Variants in CPEB3 observed in about 807,000 individuals in gnomAD.
The protein encoded by CPEB3 is cytoplasmic polyadenylation element binding protein 3.
A neutral mutation model predicts 67.2 loss-of-function variants in CPEB3; 20 were observed. The observed-to-expected ratio is 0.30, with a 90% confidence interval of 0.21 to 0.43. The LOEUF (loss-of-function observed/expected upper bound fraction) is 0.43, where lower values mean the gene tolerates loss of function less well. Among genes scored for constraint, CPEB3 ranks in the 20% least tolerant of loss-of-function variants. The pLI is 1.00. For synonymous variants in CPEB3, 376 were observed against 393.1 expected (o/e 0.96, Z 0.51); for missense variants, 746 against 968.6 (o/e 0.77, Z 3.05).
chr10:92,246,405 C>T (rs1340616675), intron 1 of CPEB3, among the ~76,000 whole-genome samples: 2 of 151,754 alleles, frequency 1.3e-5, no homozygotes, highest in African/African-American at 2.4e-5. Context: ...GTCCTTATAG[C>T]TTTAAGAAAT....
chr10:92,073,038 CTTTTTTTTTTTTT>C (rs546510647), intron 9 of CPEB3, among the ~76,000 whole-genome samples: 1 of 61,264 alleles, frequency 1.6e-5, no homozygotes, highest in African/African-American at 7.3e-5. Context: ...GAATCTCTGT[CTTTTTTTTTTTTT>C]TTTTTTTTTT....
intron 9 of CPEB3, among the ~76,000 whole-genome samples, chr10:92,079,402 G>A (rs1193281392): frequency 6.6e-6 from 1 of 152,128 alleles, no homozygotes; most frequent in Non-Finnish European, 1.5e-5. Context: ...AAAAGGGCAT[G>A]CTCAGATTGC....
chr10:92,100,217 C>G (rs1484091320), intron 7 of CPEB3, among the ~76,000 whole-genome samples: 1 of 150,362 alleles, frequency 6.7e-6, no homozygotes, highest in Admixed American at 6.7e-5. Context: ...CCCCTTGCCA[C>G]AGGGAGAAAA....
At chr10:92,095,601 T>TATATA (rs1491405800) in intron 7 of CPEB3, among the ~76,000 whole-genome samples, 2,984 of 87,600 alleles carry the variant, frequency 0.034, 177 homozygotes, top group African/African-American at 0.09. Flanking sequence ...TATATATATA[T>TATATA]TTTTTTTTTT....
At chr10:92,169,101 C>T (rs149951996) in intron 4 of CPEB3, among the ~76,000 whole-genome samples, 45 of 150,904 alleles carry the variant, frequency 3.0e-4, no homozygotes, top group Non-Finnish European at 6.4e-4. Context: ...CTGGCCTAAA[C>T]CTCTTTCCTT....
At chr10:92,179,738 AG>A (rs1207164432) in intron 4 of CPEB3, among the ~76,000 whole-genome samples, 2 of 152,356 alleles carry the variant, frequency 1.3e-5, no homozygotes, top group East Asian at 1.9e-4. Context: ...ATGCATGGAG[AG>A]GCTTAGGACC....
At chr10:92,249,530 C>T (rs766132132) in intron 1 of CPEB3, among the ~76,000 whole-genome samples, 2 of 151,984 alleles carry the variant, frequency 1.3e-5, no homozygotes, top group Non-Finnish European at 2.9e-5. Flanking sequence ...TGCCTGTAAT[C>T]GCAACTACTC....
chr10:92,278,593 G>A (rs1222288068), intron 1 of CPEB3, among the ~76,000 whole-genome samples: 1 of 148,082 alleles, frequency 6.8e-6, no homozygotes, highest in Non-Finnish European at 1.5e-5. Flanking sequence ...TGAACTCATT[G>A]ACTGGTTCTT....
At chr10:92,247,496 C>T (rs1352793322) in intron 1 of CPEB3, among the ~76,000 whole-genome samples, 1 of 152,038 alleles carries the variant, frequency 6.6e-6, no homozygotes, top group Admixed American at 6.6e-5. Context: ...CTCCCCAGGT[C>T]AAGCGATTCT....
intron 3 of CPEB3, among the ~76,000 whole-genome samples, chr10:92,189,537 C>T (rs1238339831): frequency 6.6e-6 from 1 of 152,098 alleles, no homozygotes; most frequent in African/African-American, 2.4e-5. Flanking sequence ...GATTAATAGG[C>T]AGCCAGAGGC....
chr10:92,125,240 G>C (rs924570452), intron 6 of CPEB3, among the ~76,000 whole-genome samples: 5 of 152,218 alleles, frequency 3.3e-5, no homozygotes. Context: ...CCTGGACCCT[G>C]TGCCCCTAGA....
chr10:92,092,418 T>C (rs1355661321), intron 7 of CPEB3, among the ~76,000 whole-genome samples: 1 of 152,184 alleles, frequency 6.6e-6, no homozygotes, highest in Non-Finnish European at 1.5e-5. Context: ...CTTTCAGCAA[T>C]ATGATTTAAT....
chr10:92,269,718 C>T (rs190783838), intron 1 of CPEB3, among the ~76,000 whole-genome samples: 5 of 152,088 alleles, frequency 3.3e-5, no homozygotes, highest in Non-Finnish European at 2.9e-5. Context: ...CCACTGTGCC[C>T]GGGTACTTTT....
intron 2 of CPEB3, among the ~76,000 whole-genome samples, chr10:92,236,999 T>C (rs1411533389): frequency 6.6e-6 from 1 of 152,190 alleles, no homozygotes; most frequent in African/African-American, 2.4e-5. Flanking sequence ...CTGATTTAAA[T>C]AAAATCACAT....
chr10:92,269,751 T>C (rs1224353064), intron 1 of CPEB3, among the ~76,000 whole-genome samples: 1 of 151,894 alleles, frequency 6.6e-6, no homozygotes. Flanking sequence ...GGAGATGGGG[T>C]TTCATCATGT....
At chr10:92,271,105 C>T (rs2134991121) in intron 1 of CPEB3, among the ~76,000 whole-genome samples, 2 of 152,250 alleles carry the variant, frequency 1.3e-5, no homozygotes, top group East Asian at 1.9e-4. Context: ...ATCGCTTGAA[C>T]CTGAGAGGCG....
At chr10:92,079,475 T>A (rs1179835815) in intron 9 of CPEB3, among the ~76,000 whole-genome samples, 1 of 152,162 alleles carries the variant, frequency 6.6e-6, no homozygotes, top group Non-Finnish European at 1.5e-5. Context: ...CTATGGGTAC[T>A]TAAAAACCAG....
At chr10:92,130,306 T>G (rs1411088326) in intron 6 of CPEB3, among the ~76,000 whole-genome samples, 1 of 152,096 alleles carries the variant, frequency 6.6e-6, no homozygotes, top group Non-Finnish European at 1.5e-5. Context: ...CTTATCAGTT[T>G]GTAATCATGT....
At chr10:92,205,709 C>T (rs374472989) in intron 2 of CPEB3, among the ~76,000 whole-genome samples, 1 of 151,920 alleles carries the variant, frequency 6.6e-6, no homozygotes, top group East Asian at 1.9e-4. Flanking sequence ...ACTCCTGACT[C>T]AAGTGATCTT....
Sources: gnomAD v4.1 joint callset for allele counts (sites outside exome capture counted in the v4.1 genomes callset) on GRCh38, gnomAD v4.1.1 for gene constraint, MANE v1.5 for transcripts, NCBI Gene and HGNC (gene_info 2026-07-23, HGNC 2026-07-21) for gene names.